The following SORCS3 variants were observed in gnomAD, a reference collection of about 807,000 sequenced individuals.
SORCS3 encodes the protein VPS10 domain-containing receptor SorCS3.
A neutral mutation model predicts 146.3 loss-of-function variants in SORCS3; 57 were observed. The observed-to-expected ratio is 0.39, with a 90% confidence interval of 0.31 to 0.49. The LOEUF is 0.49. SORCS3 is among the 20% of genes least tolerant of loss of function. The probability of loss-of-function intolerance (pLI) is 0.92; values close to 1 mark genes in which losing one functional copy is unlikely to be tolerated. For missense variants in SORCS3, 1,341 were observed against 1,575.5 expected (o/e 0.85, Z 2.52); for synonymous variants, 653 against 618.5 (o/e 1.06, Z -0.83).
intron 23 of SORCS3, 129 bp downstream of exon 23, chr10:105,253,035 C>T (rs753713297): frequency 5.7e-6 from 6 of 1,045,098 alleles, no homozygotes; most frequent in Non-Finnish European, 8.2e-6. Flanking sequence ...TTTTGAAGAG[C>T]AATCACCCTT....
chr10:104,645,302 G>A (rs1331463362), intron 1 of SORCS3, among the ~76,000 whole-genome samples: 2 of 152,158 alleles, frequency 1.3e-5, no homozygotes, highest in Non-Finnish European at 2.9e-5. Flanking sequence ...AGTCCCCGTG[G>A]CTTACAGGGA....
At chr10:105,203,780 C>T (rs191259060) in intron 16 of SORCS3, among the ~76,000 whole-genome samples, 32 of 152,206 alleles carry the variant, frequency 2.1e-4, no homozygotes, top group African/African-American at 3.6e-4. Flanking sequence ...TATTAATATA[C>T]ATCATTAATA....
chr10:104,888,132 T>C (rs935294261), intron 2 of SORCS3, among the ~76,000 whole-genome samples: 8 of 152,228 alleles, frequency 5.3e-5, no homozygotes, highest in African/African-American at 1.9e-4. Context: ...TTTCTTTTAG[T>C]GAGCATTGTA....
chr10:104,705,225 GTTTTTTT>G (rs11361828), intron 1 of SORCS3, among the ~76,000 whole-genome samples: 4 of 119,618 alleles, frequency 3.3e-5, no homozygotes, highest in Admixed American at 8.6e-5. Flanking sequence ...GCAGGCCTTC[GTTTTTTT>G]TTTTTTTTTT....
At position 105,079,314 on chromosome 10, in the gene SORCS3, C is replaced by T. The variant is rs112440464; in HGVS notation, c.1029-10461C>T. Among the ~76,000 whole-genome samples, 952 of 152,254 alleles carry T rather than the reference C, an allele frequency of 6.3e-3. 14 individuals carry two copies. Among genetic ancestry groups the T allele is most frequent in the African/African-American group, 0.022 (900 of 41,530 alleles). On this transcript the variant is annotated intron_variant, in intron 5 of 26. Coordinates refer to ENST00000369701, the MANE Select transcript of SORCS3 (RefSeq NM_014978.3). ...TGTATTTAATATTTTTGGAAAGTTC[C>T]TCAAGTGATACTAATATTCAGCCCG...
At chr10:105,071,838 G>A (rs1452777410) in intron 5 of SORCS3, among the ~76,000 whole-genome samples, 1 of 152,156 alleles carries the variant, frequency 6.6e-6, no homozygotes, top group Non-Finnish European at 1.5e-5. Context: ...GGAAACGAAG[G>A]CTTAAGTTTG....
intron 1 of SORCS3, among the ~76,000 whole-genome samples, chr10:104,687,090 C>T (rs1467032621): frequency 6.6e-6 from 1 of 152,184 alleles, no homozygotes; most frequent in Admixed American, 6.5e-5. Context: ...TCCATGCATC[C>T]ATGCATTCAT....
chr10:104,993,459 C>G (rs2055006281), intron 4 of SORCS3, among the ~76,000 whole-genome samples: 1 of 152,112 alleles, frequency 6.6e-6, no homozygotes, highest in South Asian at 2.1e-4. Flanking sequence ...GTAGAGATAC[C>G]AGGGTTGTAA....
At chr10:104,897,049 G>A (rs1037879524) in intron 2 of SORCS3, among the ~76,000 whole-genome samples, 2 of 152,178 alleles carry the variant, frequency 1.3e-5, no homozygotes, top group Non-Finnish European at 2.9e-5. Flanking sequence ...TTTGGGTGCT[G>A]CTCATACAGT....
chr10:105,003,998 C>CTTTTTTTTTTTTTTTTT lies in SORCS3; in HGVS notation c.954+26506_954+26507insTTTTTTTTTTTTTTTTT, dbSNP rs35604992. Among the ~76,000 whole-genome samples, 696 of 135,848 alleles carry CTTTTTTTTTTTTTTTTT rather than the reference C, an allele frequency of 5.1e-3. 41 individuals are homozygous for CTTTTTTTTTTTTTTTTT. Among genetic ancestry groups the CTTTTTTTTTTTTTTTTT allele is most frequent in the African/African-American group, 0.015 (500 of 34,142 alleles). 89.1% of individuals were successfully genotyped at this position (135,848 alleles called of 152,430 possible). A position where few individuals can be genotyped will look rare whatever the true frequency, so the allele number is the denominator to read the frequency against. ...TTCCCCTCCTTTTTTTCTCTTCTCT[C>CTTTTTTTTTTTTTTTTT]TCTTTTTTTTTTTTTTACCAGAGAA... is the stretch of plus-strand genomic sequence containing the variant. On this transcript the variant is annotated intron_variant, in intron 4 of 26. Transcript: ENST00000369701.
At chr10:104,927,846 C>G (rs893024015) in intron 3 of SORCS3, among the ~76,000 whole-genome samples, 1 of 150,690 alleles carries the variant, frequency 6.6e-6, no homozygotes, top group East Asian at 1.9e-4. Flanking sequence ...CCATTGCACT[C>G]CAGCCTGGGC....
At chr10:104,944,883 A>G (rs1373513754) in intron 3 of SORCS3, among the ~76,000 whole-genome samples, 1 of 152,186 alleles carries the variant, frequency 6.6e-6, no homozygotes, top group East Asian at 1.9e-4. Context: ...ATGTGAGCCA[A>G]AAGACATGTA....
chr10:105,084,339 T>C (rs974201786), intron 5 of SORCS3, among the ~76,000 whole-genome samples: 1 of 152,206 alleles, frequency 6.6e-6, no homozygotes, highest in Non-Finnish European at 1.5e-5. Flanking sequence ...CCATTAGCAT[T>C]TATTACCATT....
intron 1 of SORCS3, among the ~76,000 whole-genome samples, chr10:104,761,810 A>G (rs1393291293): frequency 2.6e-5 from 4 of 152,188 alleles, no homozygotes; most frequent in East Asian, 3.9e-4. Flanking sequence ...GACATGATAC[A>G]AAGTCAGGAG....
intron 1 of SORCS3, among the ~76,000 whole-genome samples, chr10:104,743,555 C>T (rs1589481797): frequency 6.6e-6 from 1 of 152,104 alleles, no homozygotes. Flanking sequence ...GAGGCATTCA[C>T]CTTCTGCTAG....
intron 2 of SORCS3, among the ~76,000 whole-genome samples, chr10:104,849,674 G>A (rs1242737062): frequency 6.6e-6 from 1 of 152,166 alleles, no homozygotes; most frequent in Non-Finnish European, 1.5e-5. Flanking sequence ...TATAGGTTTT[G>A]TGGAAATTCA....
At chr10:104,940,419 T>A (rs1461045974) in intron 3 of SORCS3, among the ~76,000 whole-genome samples, 1 of 92,226 alleles carries the variant, frequency 1.1e-5, no homozygotes, top group Non-Finnish European at 2.0e-5. Flanking sequence ...CAGGCCCCGG[T>A]GTGTGATGTT....
intron 1 of SORCS3, among the ~76,000 whole-genome samples, chr10:104,750,675 C>A (rs1312162384): frequency 6.6e-6 from 1 of 152,040 alleles, no homozygotes; most frequent in Non-Finnish European, 1.5e-5. Context: ...GAGATCTGGG[C>A]CAAGTCTAAC....
At chr10:104,773,938 C>A (rs2017280025) in intron 1 of SORCS3, among the ~76,000 whole-genome samples, 1 of 152,192 alleles carries the variant, frequency 6.6e-6, no homozygotes, top group Non-Finnish European at 1.5e-5. Flanking sequence ...GGTAGACTCT[C>A]CCACCCTATT....
Sources: allele counts gnomAD v4.1 joint callset (sites outside exome capture counted in the v4.1 genomes callset), GRCh38; gene constraint gnomAD v4.1.1; transcripts MANE v1.5; gene names NCBI Gene and HGNC (gene_info 2026-07-23, HGNC 2026-07-21).